PASK: variants seen among roughly 807,000 people sequenced by gnomAD.
PASK encodes PAS domain-containing serine/threonine-protein kinase.
Under a neutral mutation model 121.0 loss-of-function variants are expected in PASK, and 110 were observed. The ratio of observed to expected loss-of-function variants is 0.91; its 90% CI spans 0.78 to 1.06. PASK has a LOEUF of 1.06. Among genes scored for constraint, PASK ranks in the 50% least tolerant of loss-of-function variants. The pLI is 0.00. For missense variants in PASK, 1,643 were observed against 1,702.3 expected (o/e 0.97, Z 0.61); for synonymous variants, 686 against 717.8 (o/e 0.96, Z 0.71).
At chr2:241,129,547 T>A (rs536519320) in intron 9 of PASK, among the ~76,000 whole-genome samples, 2 of 152,348 alleles carry the variant, frequency 1.3e-5, no homozygotes, top group Admixed American at 1.3e-4. Context: ...TAGGGCCAAT[T>A]TGACCGTCCA....
At position 241,126,265 on chromosome 2, in the gene PASK, C is replaced by A; in HGVS notation, c.2650G>T (p.Gly884Cys). 6.2e-7 allele frequency: 1 copy of A among 1,614,166 alleles called. No homozygotes were observed. Among genetic ancestry groups the A allele is most frequent in the East Asian group, 2.2e-5 (1 of 44,872 alleles). Residue 884 changes from glycine to cysteine, a missense_variant, in exon 10 of 18, where the codon GGC becomes TGC. Around this residue, in one of 3 missense-constraint regions of PASK, gnomAD observed 1,176 missense variants for 1,162.2 expected, o/e 1.01. Coordinates refer to ENST00000234040, the MANE Select transcript of PASK (RefSeq NM_015148.4). The part of the protein sequence containing the change: ...TPVIVMRGAA[G>C]LQREIQEGAY... ...CCCTCCTGGATCTCCCGCTGCAGGCCAGCAGCCCCGCGCATCACGATCACG... is the reference window on the plus strand; with the variant it reads ...CCCTCCTGGATCTCCCGCTGCAGGCAAGCAGCCCCGCGCATCACGATCACG...
At chr2:241,113,631 G>T (rs1327674058) in intron 14 of PASK, 2 of 748,498 alleles carry the variant, frequency 2.7e-6, no homozygotes, top group Admixed American at 6.3e-5. Flanking sequence ...AATCACACAT[G>T]AACTTGAACA....
Position 241,137,143 on chromosome 2 carries a change from C to T in PASK, c.998G>A (p.Ser333Asn), listed in dbSNP as rs546274198. The T allele has an allele frequency of 5.2e-5, 84 of 1,613,816 alleles. No individual in the cohort carries two copies. In the South Asian group the frequency reaches 8.6e-4, roughly 16 times the overall value. ...EATTGEAAPV[S>N]GYRASVWVFC... The stretch of plus-strand genomic sequence containing the variant: ...CACCCAGACAGATGCCCGGTAGCCG[C>T]TCACAGGGGCCGCCTCACCGGTGGT... Residue 333 changes from serine to asparagine, a missense_variant, in exon 7 of 18, where the codon AGC becomes AAC. This residue lies in a region of PASK where 1,176 missense variants were observed against 1,162.2 expected (regional missense o/e 1.01). Coordinates refer to ENST00000234040, the MANE Select transcript of PASK (RefSeq NM_015148.4).
At position 241,112,294 on chromosome 2, in the gene PASK, T is replaced by A. The variant is rs755294138; in HGVS notation, c.3479A>T (p.Tyr1160Phe). 1.9e-6 allele frequency: 3 copies of A among 1,613,796 alleles called. No homozygotes were observed. In the East Asian group the frequency reaches 6.7e-5, roughly 36 times the overall value. ...AAYLERGKLF[Y>F]TFCGTIEYCA... Reference sequence around the variant, plus strand: ...GTACTCGATGGTCCCACAAAAAGTATAAAATAATTTTCCCCTTTCCAAGTA... The same window carrying A: ...GTACTCGATGGTCCCACAAAAAGTAAAAAATAATTTTCCCCTTTCCAAGTA... The change falls in exon 15 of 18, where the codon TAT becomes TTT. Residue 1160 changes from tyrosine (Y) to phenylalanine (F), a missense_variant. By Grantham distance (22) the Tyr-to-Phe change is conservative. Coordinates refer to ENST00000234040, the MANE Select transcript of PASK (RefSeq NM_015148.4). This position sits in a 1 kb window ranked among gnomAD's most constrained non-coding sequence, Gnocchi z 5.2.
At chr2:241,146,174 T>C (rs932641174) in intron 1 of PASK, among the ~76,000 whole-genome samples, 2 of 152,128 alleles carry the variant, frequency 1.3e-5, no homozygotes, top group Non-Finnish European at 2.9e-5. Flanking sequence ...GGAGAGGAAA[T>C]CCTAATCATG....
At chr2:241,149,718 G>T, upstream of PASK, 1 of 1,549,982 alleles carries the variant, frequency 6.5e-7, no homozygotes. Flanking sequence ...GGTGAGTAGC[G>T]CAGAGCTCGC....
Position 241,138,001 on chromosome 2 carries a change from G to A in PASK, c.828C>T (p.Asp276=), listed in dbSNP as rs753287024. The part of the protein sequence containing the change: ...GEDVAGQHIT[D]LIPSVQLPPS... ...GAGGGAGCTGCACAGAAGGGATCAG[G>A]TCTGTGATATGCTGCCCAGCCACGT... The change falls in exon 6 of 18, where the codon GAC becomes GAT. Residue 276 remains aspartate, a synonymous_variant. Transcript: ENST00000234040. 6.2e-7 allele frequency: 1 copy of A among 1,614,138 alleles called. No individual in the cohort carries two copies. Among genetic ancestry groups the A allele is most frequent in the Admixed American group, 1.7e-5 (1 of 60,030 alleles).
intron 12 of PASK, among the ~76,000 whole-genome samples, chr2:241,116,699 A>G (rs576342187): frequency 9.6e-4 from 146 of 152,350 alleles, no homozygotes; most frequent in African/African-American, 3.3e-3. Context: ...AGAAAAAGAT[A>G]CCATTCACAA....
chr2:241,122,713 C>T lies in PASK; in HGVS notation c.3072+19G>A. On this transcript the variant is annotated intron_variant, in intron 12 of 17. Coordinates refer to ENST00000234040, the MANE Select transcript of PASK (RefSeq NM_015148.4). ...GTGAAGTGGTGCCCGGCGCCACTCC[C>T]CCCCCACAGCCAGGTTACCTCCTTG... The T allele has an allele frequency of 6.2e-7, 1 of 1,612,570 alleles. No homozygotes were observed. Among genetic ancestry groups the T allele is most frequent in the Non-Finnish European group, 8.5e-7 (1 of 1,178,604 alleles).
chr2:241,136,884 G>C (rs2066459110), intron 7 of PASK, 120 bp downstream of exon 7: 1 of 932,286 alleles, frequency 1.1e-6, no homozygotes, highest in Admixed American at 1.9e-5. Flanking sequence ...TCCTTCCTGG[G>C]TAAAGGAGCG....
At chr2:241,111,581 T>A (rs1321727059) in intron 15 of PASK, among the ~76,000 whole-genome samples, 1 of 151,974 alleles carries the variant, frequency 6.6e-6, no homozygotes, top group Non-Finnish European at 1.5e-5. Flanking sequence ...TGAACCACAA[T>A]CTTCCTTTCC....
At position 241,116,038 on chromosome 2, in the gene PASK, C is replaced by G. The variant is rs185202998; in HGVS notation, c.3073-625G>C. Among the ~76,000 whole-genome samples the G allele has an allele frequency of 2.0e-3, 273 of 138,662 alleles. 31 individuals are homozygous for G. The highest frequency in any genetic ancestry group is 7.9e-3 in the African/African-American group (260 of 32,814). The allele number at this position is 138,662 out of a possible 152,430, so 91.0% of individuals were successfully genotyped here. A position where few individuals can be genotyped will look rare whatever the true frequency, so the allele number is the denominator to read the frequency against. On this transcript the variant is annotated intron_variant, in intron 12 of 17. Transcript: ENST00000234040. ...AGCATCCCATTACGCCAGGGCCACC[C>G]AGTCCTCAAGCATCCCATTACACCA... is the stretch of plus-strand genomic sequence containing the variant.
At chr2:241,147,335 G>C (rs1356421351) in intron 1 of PASK, among the ~76,000 whole-genome samples, 1 of 152,120 alleles carries the variant, frequency 6.6e-6, no homozygotes, top group East Asian at 1.9e-4. Flanking sequence ...AGACTGCAAT[G>C]TCAATGTTAC....
intron 1 of PASK, among the ~76,000 whole-genome samples, chr2:241,146,699 C>G (rs551630306): frequency 6.6e-6 from 1 of 152,274 alleles, no homozygotes; most frequent in Non-Finnish European, 1.5e-5. Flanking sequence ...GGAAACACAC[C>G]TATGTAATTA....
At position 241,106,597 on chromosome 2, in the gene PASK, T is replaced by C. The variant is rs199833369; in HGVS notation, c.3941A>G (p.His1314Arg). Residue 1314 changes from histidine (H) to arginine (R), a missense_variant, in exon 18 of 18, where the codon CAT (histidine) becomes CGT (arginine). Coordinates refer to ENST00000234040, the MANE Select transcript of PASK (RefSeq NM_015148.4). ...GEAPNGQGCL[H>R]PGDPRLLTS ...GGTCAGCAGACGGGGATCCCCGGGA[T>C]GCAAACAGCCTTGGCCATTAGGAGC... 21 of 1,614,132 alleles carry C rather than the reference T, an allele frequency of 1.3e-5. No homozygotes were observed. Among genetic ancestry groups the C allele is most frequent in the Admixed American group, 1.7e-5 (1 of 60,010 alleles).
At position 241,127,100 on chromosome 2, in the gene PASK, G is replaced by A. The variant is rs1446802027; in HGVS notation, c.1815C>T (p.Ser605=). 1 of 1,614,052 alleles carries A rather than the reference G, an allele frequency of 6.2e-7. No homozygotes were observed. Among genetic ancestry groups the A allele is most frequent in the Non-Finnish European group, 8.5e-7 (1 of 1,180,006 alleles). ...PQAKGQLAGG[S]LLMHCPCYGS... is the part of the protein sequence containing the mutation. ...CATAGCAAGGGCAGTGCATCAGGAG[G>A]CTGCCCCCCGCCAGCTGACCCTTGG... The change falls in exon 10 of 18, where the codon AGC becomes AGT. Residue 605 remains serine, a synonymous_variant. Coordinates refer to ENST00000234040, the MANE Select transcript of PASK (RefSeq NM_015148.4).
intron 15 of PASK, among the ~76,000 whole-genome samples, chr2:241,110,432 G>A (rs2065060113): frequency 6.6e-6 from 1 of 152,222 alleles, no homozygotes; most frequent in Admixed American, 6.5e-5. Flanking sequence ...CCAGGGAGAT[G>A]GGGAGAGGAC....
rs751698339 is a variant in PASK, at chr2:241,137,017, T to G, written c.1124A>C (p.Glu375Ala). ...ALTLFGYGKT[E>A]LLGKNITFLI... ...GGGCAGCCCCACCTTGCCCAGGAGCTCCGTCTTTCCGTAACCAAACAGTGT... is the reference window on the plus strand; with the variant it reads ...GGGCAGCCCCACCTTGCCCAGGAGCGCCGTCTTTCCGTAACCAAACAGTGT... The change falls in exon 7 of 18, where the codon GAG becomes GCG. Residue 375 changes from glutamate to alanine, a missense_variant. Physicochemically the swap from Glu to Ala is moderately radical, Grantham distance 107. Around this residue, in one of 3 missense-constraint regions of PASK, gnomAD observed 1,176 missense variants for 1,162.2 expected, o/e 1.01. Coordinates refer to ENST00000234040, the MANE Select transcript of PASK (RefSeq NM_015148.4). 1 of 1,613,152 alleles carries G rather than the reference T, an allele frequency of 6.2e-7. No individual in the cohort carries two copies.
At chr2:241,120,417 T>G (rs138781918) in intron 12 of PASK, among the ~76,000 whole-genome samples, 9,709 of 151,274 alleles carry the variant, frequency 0.064, 433 homozygotes, top group East Asian at 0.2. Flanking sequence ...CGCTTGAACC[T>G]GGGAGGTGGA....
Sources: allele counts gnomAD v4.1 joint callset (sites outside exome capture counted in the v4.1 genomes callset), GRCh38; gene constraint gnomAD v4.1.1; regional missense constraint gnomAD v4.1.1; non-coding constraint Gnocchi (gnomAD v3.1); transcripts MANE v1.5; gene names NCBI Gene and HGNC (gene_info 2026-07-23, HGNC 2026-07-21).